The following MFSD6 variants were observed in gnomAD, a reference collection of about 807,000 sequenced individuals.
MFSD6 encodes major facilitator superfamily domain-containing protein 6.
A neutral mutation model predicts 56.3 loss-of-function variants in MFSD6; 26 were observed. The ratio of observed to expected loss-of-function variants is 0.46; its 90% CI spans 0.34 to 0.64. The LOEUF is 0.64. MFSD6 is among the 30% of genes least tolerant of loss of function. MFSD6 has a pLI of 0.01. For synonymous variants in MFSD6, 331 were observed against 366.9 expected (o/e 0.90, Z 1.12); for missense variants, 750 against 986.2 (o/e 0.76, Z 3.21).
Position 190,467,631 on chromosome 2 carries a change from A to G in MFSD6, c.1533-2127A>G, listed in dbSNP as rs1256989057. Among the ~76,000 whole-genome samples, 1 of 152,082 alleles carries G rather than the reference A, an allele frequency of 6.6e-6. No homozygotes were observed. The highest frequency in any genetic ancestry group is 2.4e-5 in the African/African-American group (1 of 41,406). The stretch of plus-strand genomic sequence containing the variant: ...CTGTCTCAAAAAAAGAAAAAGAATT[A>G]AGGAGCGAGGCCAGGTCAGTGGCAA... On this transcript the variant is annotated intron_variant, in intron 3 of 7. Transcript: ENST00000392328. This position sits in a 1 kb window ranked among gnomAD's most constrained non-coding sequence, Gnocchi z 5.5.
In MFSD6 at chr2:190,438,216, A is replaced by AT. The variant is rs976100605; in HGVS notation, c.1532+655_1532+656insT. ...TTTCCCATGTAATTCTTTTAGTTAT[A>AT]AAAAAAAAAATCTATAGGCTGGGCA... On this transcript the variant is annotated intron_variant, in intron 3 of 7. Coordinates refer to ENST00000392328, the MANE Select transcript of MFSD6 (RefSeq NM_017694.4). The surrounding 1 kb of genome is among the most constrained non-coding windows in gnomAD (Gnocchi z 5.2). Among the ~76,000 whole-genome samples, 12 of 1,614 alleles carry AT rather than the reference A, an allele frequency of 7.4e-3. No individual in the cohort carries two copies. The highest frequency in any genetic ancestry group is 0.04 in the Non-Finnish European group (11 of 276). 1.1% of individuals were successfully genotyped at this position (1,614 alleles called of 152,430 possible). A position where few individuals can be genotyped will look rare whatever the true frequency, so the allele number is the denominator to read the frequency against.
rs1484291010 is a variant in MFSD6, at chr2:190,447,700, C to T, written c.1532+10139C>T. Among the ~76,000 whole-genome samples the T allele has an allele frequency of 1.3e-5, 2 of 152,132 alleles. No homozygotes were observed. Among genetic ancestry groups the T allele is most frequent in the African/African-American group, 4.8e-5 (2 of 41,426 alleles). On this transcript the variant is annotated intron_variant, in intron 3 of 7. Transcript: ENST00000392328. The surrounding 1 kb of genome is among the most constrained non-coding windows in gnomAD (Gnocchi z 4.5). ...ATTTTCCTATTCCTTTCACATTTTA[C>T]CTCCAAAGACATTGATACCCATTTC...
rs146285706 is a variant in MFSD6 at position 190,423,976 on chromosome 2, C to T, written c.-54+8563C>T. Among the ~76,000 whole-genome samples the T allele has an allele frequency of 5.9e-5, 9 of 152,180 alleles. No homozygotes were observed. The East Asian group carries it at 1.7e-3, about 29-fold the overall frequency. ...GAAATGTCCCTTCACGTTTTTTGTC[C>T]ATTTTCTAATTGGATTGTTTGTTGA... On this transcript the variant is annotated intron_variant, in intron 2 of 7. Transcript: ENST00000392328. The surrounding 1 kb of genome is among the most constrained non-coding windows in gnomAD (Gnocchi z 4.3).
intron 4 of MFSD6, among the ~76,000 whole-genome samples, chr2:190,475,215 G>C (rs2125171406): frequency 6.6e-6 from 1 of 152,176 alleles, no homozygotes; most frequent in East Asian, 1.9e-4. Context: ...TTCTGGCCAG[G>C]GCAATCAGGC....
Position 190,456,699 on chromosome 2 carries a change from G to A in MFSD6, c.1533-13059G>A, listed in dbSNP as rs1687055855. 6.6e-6 allele frequency among the ~76,000 whole-genome samples: 1 copy of A among 152,228 alleles called. No individual in the cohort carries two copies. The highest frequency in any genetic ancestry group is 1.5e-5 in the Non-Finnish European group (1 of 68,040). ...AAGCATCCACTTCTGATTATTTAAA[G>A]TCTGCCTGCTTGATACAGCTCATGT... On this transcript the variant is annotated intron_variant, in intron 3 of 7. Coordinates refer to ENST00000392328, the MANE Select transcript of MFSD6 (RefSeq NM_017694.4). This position sits in a 1 kb window ranked among gnomAD's most constrained non-coding sequence, Gnocchi z 5.4.
intron 1 of MFSD6, among the ~76,000 whole-genome samples, chr2:190,409,229 A>T (rs1315922260): frequency 1.3e-5 from 2 of 152,102 alleles, no homozygotes; most frequent in Non-Finnish European, 1.5e-5. Context: ...CCATAGAGCA[A>T]TTTTCCTGCA....
In MFSD6 at chr2:190,424,926, T is replaced by G. The variant is rs1575823751; in HGVS notation, c.-54+9513T>G. 6.6e-6 allele frequency among the ~76,000 whole-genome samples: 1 copy of G among 152,238 alleles called. No homozygotes were observed. Among genetic ancestry groups the G allele is most frequent in the Non-Finnish European group, 1.5e-5 (1 of 68,024 alleles). ...AATCTTGTCTATATCTACAAAAATA[T>G]GTTGCTGAGATTTTGATAGGAGTTG... On this transcript the variant is annotated intron_variant, in intron 2 of 7. Coordinates refer to ENST00000392328, the MANE Select transcript of MFSD6 (RefSeq NM_017694.4). The surrounding 1 kb of genome is among the most constrained non-coding windows in gnomAD (Gnocchi z 5.9).
chr2:190,482,393 G>A (rs965470060), intron 4 of MFSD6, among the ~76,000 whole-genome samples: 12 of 151,344 alleles, frequency 7.9e-5, no homozygotes, highest in African/African-American at 2.7e-4. Flanking sequence ...CCTTTCGGAA[G>A]CTTTCCTTTT....
chr2:190,421,494 G>GGTTT (rs10686685), intron 2 of MFSD6, among the ~76,000 whole-genome samples: 151,446 of 152,288 alleles, frequency 0.99, 75,311 homozygotes, highest in Middle Eastern at 1. Flanking sequence ...ATGTTTACAA[G>GGTTT]GTTACAAACC....
In MFSD6 at chr2:190,496,522, C is replaced by T. The variant is rs62181036; in HGVS notation, c.1892-917C>T. On this transcript the variant is annotated intron_variant, in intron 6 of 7. Coordinates refer to ENST00000392328, the MANE Select transcript of MFSD6 (RefSeq NM_017694.4). This position sits in a 1 kb window ranked among gnomAD's most constrained non-coding sequence, Gnocchi z 4.7. ...AAGAAGTCATTATATGAAAAAGATA[C>T]TTGTACATGCATGTTTATAGCATCA... Among the ~76,000 whole-genome samples, 35,246 of 152,102 alleles carry T rather than the reference C, an allele frequency of 0.23. 5,063 individuals are homozygous for T. Among genetic ancestry groups the T allele is most frequent in the South Asian group, 0.34 (1,630 of 4,830 alleles).
chr2:190,420,045 ACTCTAT>A (rs1268272182), intron 2 of MFSD6, among the ~76,000 whole-genome samples: 2 of 123,456 alleles, frequency 1.6e-5, no homozygotes, highest in East Asian at 5.6e-4. Flanking sequence ...TGTCTTCTTA[ACTCTAT>A]ATTTTCAAGT....
chr2:190,464,258 G>A (rs1283907275), intron 3 of MFSD6, among the ~76,000 whole-genome samples: 3 of 152,110 alleles, frequency 2.0e-5, no homozygotes, highest in Non-Finnish European at 4.4e-5. Flanking sequence ...TCTTTCATTT[G>A]TATCCAGTGT....
rs1689793718 is a variant in MFSD6, at chr2:190,497,852, A to T, written c.2172+133A>T. 1 of 1,041,960 alleles carries T rather than the reference A, an allele frequency of 9.6e-7. No homozygotes were observed. The allele number at this position is 1,041,960 out of a possible 1,614,324, so 64.5% of individuals were successfully genotyped here. On this transcript the variant is annotated intron_variant, in intron 7 of 7. Coordinates refer to ENST00000392328, the MANE Select transcript of MFSD6 (RefSeq NM_017694.4). This position sits in a 1 kb window ranked among gnomAD's most constrained non-coding sequence, Gnocchi z 5.2. ...GGTGGGGGAAATAGACATGCAAACA[A>T]TTTCAGTACTCTGTGAGCACTGAGT...
At chr2:190,411,601 C>T in intron 1 of MFSD6, 1 of 978,414 alleles carries the variant, frequency 1.0e-6, no homozygotes, top group South Asian at 4.7e-5. Flanking sequence ...AAAAGGAAAA[C>T]AAAAGAAGAC....
At chr2:190,477,037 C>T (rs1035024803) in intron 4 of MFSD6, among the ~76,000 whole-genome samples, 2 of 122,730 alleles carry the variant, frequency 1.6e-5, no homozygotes, top group African/African-American at 6.6e-5. Context: ...GGGAACATCA[C>T]ACACTGGGGA....
At position 190,459,465 on chromosome 2, in the gene MFSD6, A is replaced by G. The variant is rs1367770655; in HGVS notation, c.1533-10293A>G. Among the ~76,000 whole-genome samples, 2 of 152,200 alleles carry G rather than the reference A, an allele frequency of 1.3e-5. No individual in the cohort carries two copies. Among genetic ancestry groups the G allele is most frequent in the Admixed American group, 1.3e-4 (2 of 15,284 alleles). On this transcript the variant is annotated intron_variant, in intron 3 of 7. Transcript: ENST00000392328. The surrounding 1 kb of genome is among the most constrained non-coding windows in gnomAD (Gnocchi z 5.3). ...GCCATATCCTAGGAAATTTTTAAAC[A>G]AAATTGTAGGGGGTGTGTGTGTGAA...
In MFSD6 at chr2:190,458,821, G is replaced by A. The variant is rs963206594; in HGVS notation, c.1533-10937G>A. Among the ~76,000 whole-genome samples, 1 of 152,258 alleles carries A rather than the reference G, an allele frequency of 6.6e-6. No individual in the cohort carries two copies. The highest frequency in any genetic ancestry group is 6.5e-5 in the Admixed American group (1 of 15,284). ...GCTTTAACCAGGTCTCAGATGACGCGATCAGAACCTGCATCTCTCCCTCTA... is the reference window on the plus strand; with the variant it reads ...GCTTTAACCAGGTCTCAGATGACGCAATCAGAACCTGCATCTCTCCCTCTA... On this transcript the variant is annotated intron_variant, in intron 3 of 7. Coordinates refer to ENST00000392328, the MANE Select transcript of MFSD6 (RefSeq NM_017694.4). This position sits in a 1 kb window ranked among gnomAD's most constrained non-coding sequence, Gnocchi z 5.3.
At chr2:190,446,717 G>T (rs1013590090) in intron 3 of MFSD6, among the ~76,000 whole-genome samples, 4 of 152,218 alleles carry the variant, frequency 2.6e-5, no homozygotes, top group African/African-American at 9.6e-5. Flanking sequence ...ATTTATGGAT[G>T]TTCGTTCTGG....
upstream of MFSD6, among the ~76,000 whole-genome samples, chr2:190,408,112 T>TCCG (rs958212078): frequency 3.3e-5 from 5 of 151,886 alleles, no homozygotes; most frequent in Non-Finnish European, 5.9e-5. Flanking sequence ...AGTCGACGCA[T>TCCG]CCGCCGCCGC....
Sources: gnomAD v4.1 joint callset for allele counts (sites outside exome capture counted in the v4.1 genomes callset) on GRCh38, gnomAD v4.1.1 for gene constraint, Gnocchi (gnomAD v3.1) non-coding constraint, MANE v1.5 for transcripts, NCBI Gene and HGNC (gene_info 2026-07-23, HGNC 2026-07-21) for gene names.